ERBB4: variants seen among roughly 807,000 people sequenced by gnomAD.
ERBB4 encodes the protein receptor tyrosine-protein kinase erbB-4.
A neutral mutation model predicts 158.0 loss-of-function variants in ERBB4; 42 were observed. That is an observed-to-expected ratio of 0.27 (90% confidence interval 0.21 to 0.34). The LOEUF is 0.34. Ranked by LOEUF, ERBB4 falls within the 10% of genes least tolerant of loss-of-function variation. The probability of loss-of-function intolerance (pLI) is 1.00; values close to 1 mark genes in which losing one functional copy is unlikely to be tolerated. For synonymous variants in ERBB4, 583 were observed against 558.7 expected (o/e 1.04, Z -0.61); for missense variants, 1,333 against 1,624.1 (o/e 0.82, Z 3.08).
chr2:211,707,519 C>T (rs2073497232), intron 9 of ERBB4, among the ~76,000 whole-genome samples: 1 of 152,036 alleles, frequency 6.6e-6, no homozygotes, highest in Non-Finnish European at 1.5e-5. Flanking sequence ...TTATTATTTC[C>T]CTTCCATTGT....
intron 20 of ERBB4, among the ~76,000 whole-genome samples, chr2:211,478,117 C>A (rs1261835698): frequency 1.3e-5 from 2 of 152,104 alleles, no homozygotes; most frequent in African/African-American, 4.8e-5. Flanking sequence ...TAAAGGGATG[C>A]CAACCACATT....
chr2:212,107,211 G>A (rs1464784009), intron 2 of ERBB4, among the ~76,000 whole-genome samples: 2 of 152,220 alleles, frequency 1.3e-5, no homozygotes, highest in Admixed American at 1.3e-4. Flanking sequence ...CAGGTGGGAG[G>A]CTGGACCCTG....
At chr2:211,808,791 T>G (rs945703624) in intron 3 of ERBB4, among the ~76,000 whole-genome samples, 2 of 152,202 alleles carry the variant, frequency 1.3e-5, no homozygotes, top group African/African-American at 4.8e-5. Context: ...GTTTGTATCC[T>G]CTTTTATTTC....
intron 1 of ERBB4, among the ~76,000 whole-genome samples, chr2:212,194,275 T>C (rs1465880912): frequency 7.8e-6 from 1 of 128,828 alleles, no homozygotes; most frequent in Non-Finnish European, 1.7e-5. Context: ...AATTTATATA[T>C]AGTTTAAATA....
At chr2:211,429,788 C>T (rs924343825) in intron 21 of ERBB4, among the ~76,000 whole-genome samples, 10 of 152,156 alleles carry the variant, frequency 6.6e-5, no homozygotes, top group Non-Finnish European at 1.2e-4. Flanking sequence ...TTATGGACTA[C>T]GGACATTGTG....
At chr2:212,374,081 CATATATATCCAT>C (rs2090234041) in intron 1 of ERBB4, among the ~76,000 whole-genome samples, 1 of 108,994 alleles carries the variant, frequency 9.2e-6, no homozygotes, top group Non-Finnish European at 2.0e-5. Context: ...TATATATATC[CATATATATCCAT>C]ATATATATAT....
At chr2:211,731,601 G>C (rs769951680) in intron 5 of ERBB4, among the ~76,000 whole-genome samples, 3 of 152,086 alleles carry the variant, frequency 2.0e-5, no homozygotes, top group Non-Finnish European at 4.4e-5. Flanking sequence ...CTTAATTAAA[G>C]ATAGGAGGCT....
chr2:211,819,532 G>A (rs2076948710), intron 3 of ERBB4, among the ~76,000 whole-genome samples: 2 of 151,992 alleles, frequency 1.3e-5, no homozygotes. Context: ...AATGCTTATA[G>A]ACAGTAACTA....
chr2:211,567,672 GA>G (rs762655193), intron 19 of ERBB4, among the ~76,000 whole-genome samples: 74 of 151,870 alleles, frequency 4.9e-4, no homozygotes, highest in Non-Finnish European at 1.0e-3. Flanking sequence ...TTTCTATTAA[GA>G]AAAATTGCTC....
chr2:212,458,703 T>C lies in ERBB4; in HGVS notation c.82+79746A>G, dbSNP rs575901669. Among the ~76,000 whole-genome samples the C allele has an allele frequency of 1.1e-4, 17 of 151,222 alleles. No individual in the cohort carries two copies. The South Asian group carries it at 2.7e-3, about 24-fold the overall frequency. The stretch of plus-strand genomic sequence containing the variant: ...GCTGGAGGGACTGATTTGGAGACAA[T>C]GGATTATAAGGGTTCCAGACAGAAA... On this transcript the variant is annotated intron_variant, in intron 1 of 27. Transcript: ENST00000342788.
intron 16 of ERBB4, among the ~76,000 whole-genome samples, chr2:211,631,840 C>A (rs988572906): frequency 6.6e-6 from 1 of 151,996 alleles, no homozygotes; most frequent in Non-Finnish European, 1.5e-5. Flanking sequence ...CATAATAAAG[C>A]ATTTTATATC....
chr2:212,384,916 TATATACAC>T (rs1560177332), intron 1 of ERBB4, among the ~76,000 whole-genome samples: 1 of 135,570 alleles, frequency 7.4e-6, no homozygotes, highest in South Asian at 2.2e-4. Context: ...TATATATATA[TATATACAC>T]ACACACACAC....
At chr2:212,270,222 C>A (rs1159360993) in intron 1 of ERBB4, among the ~76,000 whole-genome samples, 2 of 151,654 alleles carry the variant, frequency 1.3e-5, no homozygotes, top group Non-Finnish European at 2.9e-5. Context: ...AAAGTATTGA[C>A]AAACAAAATA....
chr2:212,306,834 G>C (rs1043329949), intron 1 of ERBB4, among the ~76,000 whole-genome samples: 1 of 150,998 alleles, frequency 6.6e-6, no homozygotes, highest in Admixed American at 6.6e-5. Context: ...AAAGTTATTT[G>C]ACACTTAGAA....
intron 1 of ERBB4, chr2:212,125,185 G>T: frequency 3.0e-6 from 1 of 331,946 alleles, no homozygotes; most frequent in African/African-American, 2.2e-5. Flanking sequence ...ACCATATAAA[G>T]CAAGTAAATA....
rs1404520624 is a variant in ERBB4 at position 212,373,831 on chromosome 2, A to ATATATCCATG, written c.82+164617_82+164618insCATGGATATA. On this transcript the variant is annotated intron_variant, in intron 1 of 27. Coordinates refer to ENST00000342788, the MANE Select transcript of ERBB4 (RefSeq NM_005235.3). ...TATATCCATGTATATATCCATATAT[A>ATATATCCATG]TATATATCCATGTATATATCCATGT... Among the ~76,000 whole-genome samples the ATATATCCATG allele has an allele frequency of 1.4e-3, 166 of 117,440 alleles. 9 individuals are homozygous for ATATATCCATG. The highest frequency in any genetic ancestry group is 3.7e-3 in the African/African-American group (112 of 29,960). 77.0% of individuals were successfully genotyped at this position (117,440 alleles called of 152,430 possible).
chr2:211,938,375 G>A (rs1475956074), intron 3 of ERBB4, among the ~76,000 whole-genome samples: 2 of 152,092 alleles, frequency 1.3e-5, no homozygotes, highest in Non-Finnish European at 2.9e-5. Flanking sequence ...GATTCTCCAC[G>A]TTATTGTGCT....
chr2:211,671,294 T>C (rs1206948356), intron 14 of ERBB4, among the ~76,000 whole-genome samples: 1 of 152,132 alleles, frequency 6.6e-6, no homozygotes, highest in Non-Finnish European at 1.5e-5. Context: ...TTCTAATATT[T>C]AAAAACCTAA....
At chr2:211,744,825 C>T (rs1009304761) in intron 5 of ERBB4, among the ~76,000 whole-genome samples, 23 of 152,236 alleles carry the variant, frequency 1.5e-4, no homozygotes, top group Middle Eastern at 3.4e-3. Context: ...TTTCTCTTTT[C>T]CCCAATGTAT....
Sources: allele counts gnomAD v4.1 joint callset (sites outside exome capture counted in the v4.1 genomes callset), GRCh38; gene constraint gnomAD v4.1.1; transcripts MANE v1.5; gene names NCBI Gene and HGNC (gene_info 2026-07-23, HGNC 2026-07-21).